The following ATP1A2 variants were observed in gnomAD, a reference collection of about 807,000 sequenced individuals.
ATP1A2 encodes sodium/potassium-transporting ATPase subunit alpha-2.
Under a neutral mutation model 113.1 loss-of-function variants are expected in ATP1A2, and 56 were observed. That is an observed-to-expected ratio of 0.49 (90% confidence interval 0.40 to 0.62). The LOEUF (loss-of-function observed/expected upper bound fraction) is 0.62, where lower values mean the gene tolerates loss of function less well. Among genes scored for constraint, ATP1A2 ranks in the 20% least tolerant of loss-of-function variants. ATP1A2 has a pLI of 0.00. For synonymous variants in ATP1A2, 490 were observed against 526.8 expected (o/e 0.93, Z 0.96); for missense variants, 712 against 1,357.8 (o/e 0.52, Z 7.47).
In ATP1A2 at chr1:160,134,587, G is replaced by A. The variant is rs745824475; in HGVS notation, c.1931G>A (p.Arg644Gln). The A allele has an allele frequency of 9.9e-6, 16 of 1,614,070 alleles. No homozygotes were observed. Among genetic ancestry groups the A allele is most frequent in the East Asian group, 4.5e-5 (2 of 44,894 alleles). ...GAGACTGTGGAGGACATTGCAGCCCGGCTCAACATTCCCATGAGTCAAGTC... is the reference window on the plus strand; with the variant it reads ...GAGACTGTGGAGGACATTGCAGCCCAGCTCAACATTCCCATGAGTCAAGTC... The part of the protein sequence containing the change: ...GNETVEDIAA[R>Q]LNIPMSQVNP... Residue 644 changes from arginine to glutamine, a missense_variant, in exon 14 of 23, where the codon CGG becomes CAG. Around this residue, in one of 6 missense-constraint regions of ATP1A2, gnomAD observed 263 missense variants for 380.6 expected, o/e 0.69. Transcript: ENST00000361216.
At chr1:160,129,123 G>T in intron 10 of ATP1A2, 34 bp downstream of exon 10, 1 of 1,520,150 alleles carries the variant, frequency 6.6e-7, no homozygotes, top group Non-Finnish European at 8.8e-7. Flanking sequence ...GGTATGTTTT[G>T]GGGGTGTCTC....
chr1:160,129,140 C>T lies in ATP1A2; in HGVS notation c.1326+51C>T, dbSNP rs530469412. 1.6e-5 allele frequency: 25 copies of T among 1,608,260 alleles called. No homozygotes were observed. The South Asian group carries it at 2.5e-4, about 16-fold the overall frequency. Reference sequence around the variant, plus strand: ...TATGTTTTGGGGGTGTCTCCAAAGCCTCTTGCTGGCCCCAGCTTTCCTTCT... The same window carrying T: ...TATGTTTTGGGGGTGTCTCCAAAGCTTCTTGCTGGCCCCAGCTTTCCTTCT... On this transcript the variant is annotated intron_variant, in intron 10 of 22. Transcript: ENST00000361216.
chr1:160,115,831 C>T lies in ATP1A2; in HGVS notation c.-31C>T, dbSNP rs192111085. On this transcript the variant is annotated 5_prime_UTR_variant, in exon 1 of 23. Coordinates refer to ENST00000361216, the MANE Select transcript of ATP1A2 (RefSeq NM_000702.4). Reference sequence around the variant, plus strand: ...TTGGGATCCTCCTGGTGACCTCTCCCGCTAAGGTCCCTCAGCCACTCTGCC... The same window carrying T: ...TTGGGATCCTCCTGGTGACCTCTCCTGCTAAGGTCCCTCAGCCACTCTGCC... 21 of 1,587,720 alleles carry T rather than the reference C, an allele frequency of 1.3e-5. No individual in the cohort carries two copies. Among genetic ancestry groups the T allele is most frequent in the Admixed American group, 7.2e-5 (4 of 55,732 alleles).
chr1:160,132,167 T>C (rs192857370), intron 13 of ATP1A2, among the ~76,000 whole-genome samples: 345 of 152,280 alleles, frequency 2.3e-3, no homozygotes, highest in African/African-American at 8.0e-3. Flanking sequence ...CATGTCAAGA[T>C]CAGGGAACAG....
intron 1 of ATP1A2, among the ~76,000 whole-genome samples, chr1:160,119,353 T>C (rs1203145971): frequency 7.1e-6 from 1 of 140,678 alleles, no homozygotes; most frequent in African/African-American, 2.7e-5. Context: ...AACATCATAG[T>C]GTGGGAAAAC....
At position 160,125,119 on chromosome 1, in the gene ATP1A2, C is replaced by T. The variant is rs368195019; in HGVS notation, c.631-17C>T. On this transcript the variant is annotated splice_polypyrimidine_tract_variant and intron_variant, in intron 6 of 22. Coordinates refer to ENST00000361216, the MANE Select transcript of ATP1A2 (RefSeq NM_000702.4). ...TGGCTCTGCCAGTCTGATGACTATG[C>T]ACTCCTTCCTCCTCAGGTGGATAAC... 38 of 1,607,630 alleles carry T rather than the reference C, an allele frequency of 2.4e-5. No homozygotes were observed. The highest frequency in any genetic ancestry group is 3.2e-5 in the Non-Finnish European group (38 of 1,174,200).
At chr1:160,134,660 C>A (rs377318816) in intron 14 of ATP1A2, 40 bp downstream of exon 14, 1 of 1,614,016 alleles carries the variant, frequency 6.2e-7, no homozygotes, top group Non-Finnish European at 8.5e-7. Context: ...CTAATCAACA[C>A]GTCCTCTTGC....
chr1:160,141,540 G>T lies in ATP1A2; in HGVS notation c.*218G>T. On this transcript the variant is annotated 3_prime_UTR_variant, in exon 23 of 23. Transcript: ENST00000361216. The stretch of plus-strand genomic sequence containing the variant: ...CAATCAGATTAGACACTATGTGTTA[G>T]AGTCCCCCCGACCAGATCCTTTTCC... The T allele has an allele frequency of 1.6e-6, 1 of 630,918 alleles. No individual in the cohort carries two copies. Among genetic ancestry groups the T allele is most frequent in the Non-Finnish European group, 2.9e-6 (1 of 347,206 alleles). The allele number at this position is 630,918 out of a possible 1,614,324, so 39.1% of individuals were successfully genotyped here.
At chr1:160,136,462 G>C in intron 18 of ATP1A2, 92 bp downstream of exon 18, 1 of 1,612,488 alleles carries the variant, frequency 6.2e-7, no homozygotes. Flanking sequence ...TTCCAGGACA[G>C]AGGCCAGCTA....
chr1:160,125,263 C>A lies in ATP1A2; in HGVS notation c.748+10C>A, dbSNP rs1651549911. On this transcript the variant is annotated intron_variant, in intron 7 of 22. Transcript: ENST00000361216. The stretch of plus-strand genomic sequence containing the variant: ...ACCAACTGTGTTGAAGGTGAGAAGC[C>A]AGGCTGCCCCCTGTAGGAAAGAGTC... The A allele has an allele frequency of 6.2e-7, 1 of 1,603,438 alleles. No homozygotes were observed. Among genetic ancestry groups the A allele is most frequent in the Non-Finnish European group, 8.5e-7 (1 of 1,170,306 alleles).
intron 11 of ATP1A2, among the ~76,000 whole-genome samples, 198 bp from the exon 12 acceptor site, chr1:160,129,904 C>T (rs1651713687): frequency 6.6e-6 from 1 of 152,140 alleles, no homozygotes; most frequent in Non-Finnish European, 1.5e-5. Context: ...AAAGACTGTC[C>T]TACGGAGGTG....
In ATP1A2 at chr1:160,135,065, G is replaced by A; in HGVS notation, c.1965-80G>A. 1 of 1,590,196 alleles carries A rather than the reference G, an allele frequency of 6.3e-7. No individual in the cohort carries two copies. The highest frequency in any genetic ancestry group is 8.6e-7 in the Non-Finnish European group (1 of 1,162,514). On this transcript the variant is annotated intron_variant, in intron 14 of 22. Coordinates refer to ENST00000361216, the MANE Select transcript of ATP1A2 (RefSeq NM_000702.4). This position sits in a 1 kb window ranked among gnomAD's most constrained non-coding sequence, Gnocchi z 6.3. ...CTCAGCAGGGAGCCTGCAGGCTGCG[G>A]TGGTGAAGAGAGGCAGGGGGCAGGA...
chr1:160,124,228 G>A lies in ATP1A2; in HGVS notation c.496-68G>A, dbSNP rs546573751. 2.1e-4 allele frequency: 331 copies of A among 1,557,060 alleles called. 9 individuals carry two copies. In the South Asian group the frequency reaches 3.5e-3, roughly 16 times the overall value. ...CTTCTCCTTCTGCTTGACGGTGTGG[G>A]AGACCAGCAGGAGAAGAAGGCAGGG... is the stretch of plus-strand genomic sequence containing the variant. On this transcript the variant is annotated intron_variant, in intron 5 of 22. Coordinates refer to ENST00000361216, the MANE Select transcript of ATP1A2 (RefSeq NM_000702.4).
chr1:160,141,467 T>C lies in ATP1A2; in HGVS notation c.*145T>C. The C allele has an allele frequency of 9.7e-7, 1 of 1,035,566 alleles. No homozygotes were observed. Among genetic ancestry groups the C allele is most frequent in the Admixed American group, 1.9e-5 (1 of 51,862 alleles). The allele number at this position is 1,035,566 out of a possible 1,614,324, so 64.1% of individuals were successfully genotyped here. On this transcript the variant is annotated 3_prime_UTR_variant, in exon 23 of 23. Coordinates refer to ENST00000361216, the MANE Select transcript of ATP1A2 (RefSeq NM_000702.4). ...AATGAGGCAACTCAGCAGGCTAAGT[T>C]GCGGGGTATATAAATTGGGGTGATG...
chr1:160,118,284 C>T (rs1244543681), intron 1 of ATP1A2, among the ~76,000 whole-genome samples: 1 of 152,174 alleles, frequency 6.6e-6, no homozygotes, highest in Non-Finnish European at 1.5e-5. Context: ...CCTCTGCACC[C>T]TGCTCTTCTG....
intron 7 of ATP1A2, among the ~76,000 whole-genome samples, chr1:160,125,755 C>G (rs113368253): frequency 0.02 from 3,087 of 152,330 alleles, 42 homozygotes; most frequent in Non-Finnish European, 0.033. Flanking sequence ...TGCTTCTAAC[C>G]TTTGTTACAT....
chr1:160,127,966 C>T (rs2101988591), intron 8 of ATP1A2, 146 bp downstream of exon 8: 3 of 1,189,998 alleles, frequency 2.5e-6, no homozygotes, highest in East Asian at 5.0e-5. Context: ...TCACTTAATA[C>T]ATGGCTTAGG....
chr1:160,127,176 GA>G (rs1355333090), intron 7 of ATP1A2, among the ~76,000 whole-genome samples: 5 of 152,176 alleles, frequency 3.3e-5, no homozygotes, highest in Non-Finnish European at 7.3e-5. Flanking sequence ...AGACTGGATG[GA>G]AAATCCATAA....
intron 22 of ATP1A2, among the ~76,000 whole-genome samples, chr1:160,140,500 C>G (rs1375376005): frequency 6.6e-6 from 1 of 152,098 alleles, no homozygotes; most frequent in Non-Finnish European, 1.5e-5. Context: ...TTTGGTTTGA[C>G]CTGTGCCATA....
Sources: gnomAD v4.1 joint callset for allele counts (sites outside exome capture counted in the v4.1 genomes callset) on GRCh38, gnomAD v4.1.1 for gene constraint, gnomAD v4.1.1 regional missense constraint, Gnocchi (gnomAD v3.1) non-coding constraint, MANE v1.5 for transcripts, NCBI Gene and HGNC (gene_info 2026-07-23, HGNC 2026-07-21) for gene names.